The following PSAP variants were observed in gnomAD, a reference collection of about 807,000 sequenced individuals.
The protein encoded by PSAP is prosaposin.
PSAP carries 25 observed loss-of-function variants against 66.0 expected under a neutral mutation model. The ratio of observed to expected loss-of-function variants is 0.38; its 90% CI spans 0.28 to 0.53. The LOEUF (loss-of-function observed/expected upper bound fraction) is 0.53, where lower values mean the gene tolerates loss of function less well. Among genes scored for constraint, PSAP ranks in the 20% least tolerant of loss-of-function variants. The pLI is 0.83. For missense variants in PSAP, 649 were observed against 668.8 expected (o/e 0.97, Z 0.33); for synonymous variants, 273 against 258.9 (o/e 1.05, Z -0.52).
intron 7 of PSAP, among the ~76,000 whole-genome samples, chr10:71,822,823 GAA>G (rs983626574): frequency 9.9e-5 from 15 of 152,270 alleles, no homozygotes; most frequent in Admixed American, 7.2e-4. Flanking sequence ...CCTGTTAAGG[GAA>G]AAGAGCTAGA....
At chr10:71,821,775 G>A (rs1842304005) in intron 8 of PSAP, 101 bp downstream of exon 8, 7 of 1,519,818 alleles carry the variant, frequency 4.6e-6, no homozygotes, top group East Asian at 2.3e-5. Context: ...GCCAGGCAGG[G>A]AACCGAAAGA....
chr10:71,817,077 T>C lies in PSAP; in HGVS notation c.*364A>G. ...CCAGGCCCACCAGTGCCCAAGCACA[T>C]GTCAGGGCTCAGAACAAGGCCTCAA... On this transcript the variant is annotated 3_prime_UTR_variant, in exon 14 of 14. Transcript: ENST00000394936. 2.5e-6 allele frequency: 1 copy of C among 398,686 alleles called. No individual in the cohort carries two copies. The highest frequency in any genetic ancestry group is 3.7e-5 in the Admixed American group (1 of 26,832). The allele number at this position is 398,686 out of a possible 1,614,324, so 24.7% of individuals were successfully genotyped here. A position where few individuals can be genotyped will look rare whatever the true frequency, so the allele number is the denominator to read the frequency against.
chr10:71,847,093 T>C (rs1842837611), intron 1 of PSAP, among the ~76,000 whole-genome samples: 1 of 152,140 alleles, frequency 6.6e-6, no homozygotes, highest in South Asian at 2.1e-4. Context: ...AAGTTCTCCT[T>C]TCCCTCATCT....
chr10:71,820,007 G>A (rs755885835), intron 9 of PSAP, 107 bp from the exon 10 acceptor site: 9 of 1,070,610 alleles, frequency 8.4e-6, no homozygotes, highest in Admixed American at 2.0e-5. Flanking sequence ...GGTGGGTGCC[G>A]TTTCCACCCA....
At chr10:71,846,164 GATGAGTA>G (rs1229476021) in intron 1 of PSAP, among the ~76,000 whole-genome samples, 1 of 152,114 alleles carries the variant, frequency 6.6e-6, no homozygotes, top group Non-Finnish European at 1.5e-5. Context: ...CAGTGAAATA[GATGAGTA>G]ATGCCACTTT....
intron 1 of PSAP, among the ~76,000 whole-genome samples, chr10:71,841,779 G>A (rs986464303): frequency 6.6e-6 from 1 of 152,174 alleles, no homozygotes; most frequent in Non-Finnish European, 1.5e-5. Context: ...GCCGAGGCGA[G>A]TGGATTACTT....
intron 6 of PSAP, 102 bp downstream of exon 6, chr10:71,827,912 T>C: frequency 1.3e-6 from 2 of 1,512,622 alleles, no homozygotes; most frequent in Non-Finnish European, 1.8e-6. Flanking sequence ...AGCTGCTTTC[T>C]GGGAAAAAAG....
intron 6 of PSAP, among the ~76,000 whole-genome samples, chr10:71,826,703 C>T (rs903872371): frequency 3.3e-5 from 5 of 150,704 alleles, no homozygotes; most frequent in South Asian, 2.1e-4. Flanking sequence ...ATTGTGCCAC[C>T]GCACTCCAGC....
At chr10:71,821,253 A>C (rs1347446841) in intron 8 of PSAP, among the ~76,000 whole-genome samples, 2 of 152,238 alleles carry the variant, frequency 1.3e-5, no homozygotes, top group African/African-American at 4.8e-5. Context: ...TACATGTGCC[A>C]CGTGTTAAGG....
At chr10:71,830,540 C>G (rs1842492052) in intron 4 of PSAP, among the ~76,000 whole-genome samples, 3 of 152,228 alleles carry the variant, frequency 2.0e-5, no homozygotes. Context: ...TATGACACAA[C>G]CCCTGCCTTC....
chr10:71,835,220 AAAT>A (rs1171670960), intron 1 of PSAP, among the ~76,000 whole-genome samples: 1 of 16,966 alleles, frequency 5.9e-5, no homozygotes, highest in Admixed American at 4.2e-4. Flanking sequence ...CCGTTTCAAA[AAAT>A]AAATAAATAA....
chr10:71,827,159 G>A (rs1242115186), intron 6 of PSAP, among the ~76,000 whole-genome samples: 1 of 152,028 alleles, frequency 6.6e-6, no homozygotes, highest in Non-Finnish European at 1.5e-5. Context: ...CACTTTGGGA[G>A]GCCGAGGCAG....
intron 1 of PSAP, among the ~76,000 whole-genome samples, chr10:71,848,009 T>C (rs950105717): frequency 2.0e-5 from 3 of 152,220 alleles, no homozygotes; most frequent in Non-Finnish European, 4.4e-5. Flanking sequence ...AGGGAGCACC[T>C]GCCACATCCC....
chr10:71,849,716 C>A (rs1285036499), intron 1 of PSAP, among the ~76,000 whole-genome samples: 1 of 151,988 alleles, frequency 6.6e-6, no homozygotes, highest in Non-Finnish European at 1.5e-5. Context: ...GCTATGTTGC[C>A]CAGGCTGGTC....
intron 1 of PSAP, among the ~76,000 whole-genome samples, chr10:71,850,318 C>T (rs1021048829): frequency 1.3e-5 from 2 of 152,194 alleles, no homozygotes; most frequent in Admixed American, 1.3e-4. Context: ...ACTTGGTCTC[C>T]ACAATCCTTT....
intron 11 of PSAP, 161 bp downstream of exon 11, chr10:71,819,304 G>C: frequency 8.5e-7 from 1 of 1,170,112 alleles, no homozygotes; most frequent in South Asian, 1.3e-5. Flanking sequence ...GCTTCCCCCA[G>C]TGGCTCATCT....
chr10:71,831,047 TA>T, intron 4 of PSAP, 78 bp downstream of exon 4: 3 of 1,591,458 alleles, frequency 1.9e-6, no homozygotes, highest in Non-Finnish European at 2.6e-6. Context: ...CTTTCCATTT[TA>T]ATCAATCTAC....
At chr10:71,843,466 G>C (rs1472777768) in intron 1 of PSAP, among the ~76,000 whole-genome samples, 2 of 152,202 alleles carry the variant, frequency 1.3e-5, no homozygotes, top group South Asian at 2.1e-4. Flanking sequence ...GCTACTGAGA[G>C]AGTCATAAGT....
Position 71,820,553 on chromosome 10 carries a change from C to G in PSAP, c.910-218G>C, listed in dbSNP as rs1261434128. Among the ~76,000 whole-genome samples the G allele has an allele frequency of 7.2e-5, 11 of 152,060 alleles. No homozygotes were observed. The South Asian group carries it at 8.3e-4, about 11-fold the overall frequency. On this transcript the variant is annotated intron_variant, in intron 8 of 13. Transcript: ENST00000394936. ...CAATCCTCTACCACCCCCACCTCCC[C>G]CTAACCCCACCAAAACAAAACCCAG...
Sources: gnomAD v4.1 joint callset for allele counts (sites outside exome capture counted in the v4.1 genomes callset) on GRCh38, gnomAD v4.1.1 for gene constraint, MANE v1.5 for transcripts, NCBI Gene and HGNC (gene_info 2026-07-23, HGNC 2026-07-21) for gene names.